Variants in PDE8A observed in about 807,000 individuals in gnomAD.
PDE8A encodes the protein phosphodiesterase 8A.
In PDE8A, 59 loss-of-function variants were observed where a neutral mutation model predicts 105.0. The observed-to-expected ratio is 0.56, with a 90% CI of 0.46 to 0.70. The LOEUF (loss-of-function observed/expected upper bound fraction) is 0.70. Ranked by LOEUF, PDE8A falls within the 30% of genes least tolerant of loss-of-function variation. PDE8A has a pLI of 0.00. For synonymous variants in PDE8A, 355 were observed against 371.9 expected (o/e 0.95, Z 0.52); for missense variants, 1,014 against 1,045.9 (o/e 0.97, Z 0.42).
intron 1 of PDE8A, among the ~76,000 whole-genome samples, chr15:85,020,984 T>A (rs1253083310): frequency 6.6e-6 from 1 of 152,218 alleles, no homozygotes; most frequent in Non-Finnish European, 1.5e-5. Flanking sequence ...GTCTCAATGT[T>A]CGTATTCTCC....
chr15:84,982,174 C>G lies in PDE8A; in HGVS notation c.12C>G (p.Ala4=), dbSNP rs750979411. The G allele has an allele frequency of 6.8e-7, 1 of 1,477,238 alleles. No homozygotes were observed. The highest frequency in any genetic ancestry group is 8.9e-7 in the Non-Finnish European group (1 of 1,123,484). The allele number at this position is 1,477,238 out of a possible 1,614,324, so 91.5% of individuals were successfully genotyped here. A position where few individuals can be genotyped will look rare whatever the true frequency, so the allele number is the denominator to read the frequency against. The change falls in exon 1 of 22, where the codon GCC becomes GCG. Residue 4 remains alanine, a synonymous_variant. Transcript: ENST00000394553. Reference sequence around the variant, plus strand: ...GCGCCGCCGCCAGCATGGGCTGTGCCCCGAGCATCCACATTTCCGAGCGCC... The same window carrying G: ...GCGCCGCCGCCAGCATGGGCTGTGCGCCGAGCATCCACATTTCCGAGCGCC... MGC[A]PSIHISERLV...
chr15:85,043,317 AC>A (rs1344307388), intron 1 of PDE8A, among the ~76,000 whole-genome samples: 7 of 151,982 alleles, frequency 4.6e-5, no homozygotes, highest in Non-Finnish European at 8.8e-5. Context: ...CAGCCTGTAG[AC>A]CCCCCTTTTC....
At chr15:85,075,213 A>T (rs554796989) in intron 3 of PDE8A, among the ~76,000 whole-genome samples, 1 of 152,210 alleles carries the variant, frequency 6.6e-6, no homozygotes, top group South Asian at 2.1e-4. Flanking sequence ...TTTACTCTGT[A>T]TGGGAAGTCT....
At chr15:85,022,076 T>A (rs1235269414) in intron 1 of PDE8A, among the ~76,000 whole-genome samples, 1 of 152,238 alleles carries the variant, frequency 6.6e-6, no homozygotes, top group Non-Finnish European at 1.5e-5. Context: ...CCAACTAGTT[T>A]TAACATTCAT....
Position 85,094,585 on chromosome 15 carries a change from C to T in PDE8A, c.853-3363C>T, listed in dbSNP as rs140879067. On this transcript the variant is annotated intron_variant, in intron 8 of 21. Transcript: ENST00000394553. ...TGGTTTTCTCTCATCTCCCAAAAAC[C>T]CAATCTCTCTTCCAAATCCTGCTGT... 3.2e-4 allele frequency among the ~76,000 whole-genome samples: 48 copies of T among 152,286 alleles called. 1 individual carries two copies. Among genetic ancestry groups the T allele is most frequent in the Admixed American group, 2.5e-3 (38 of 15,304 alleles).
chr15:85,123,015 C>A, intron 18 of PDE8A, 46 bp from the exon 19 acceptor site: 1 of 1,603,270 alleles, frequency 6.2e-7, no homozygotes, highest in South Asian at 1.1e-5. Flanking sequence ...CCTGTCTGGT[C>A]TGGATCAGTA....
intron 1 of PDE8A, among the ~76,000 whole-genome samples, chr15:85,047,207 G>A (rs2080900399): frequency 6.6e-6 from 1 of 152,166 alleles, no homozygotes; most frequent in African/African-American, 2.4e-5. Context: ...ATTATTAAGA[G>A]GGCTGTGACC....
At chr15:85,066,107 A>G (rs923347992) in intron 2 of PDE8A, among the ~76,000 whole-genome samples, 1 of 152,216 alleles carries the variant, frequency 6.6e-6, no homozygotes, top group Non-Finnish European at 1.5e-5. Flanking sequence ...TAAGTATTCT[A>G]ATAATTTCAC....
At chr15:85,044,923 G>A (rs379799) in intron 1 of PDE8A, among the ~76,000 whole-genome samples, 81,024 of 152,072 alleles carry the variant, frequency 0.53, 21,715 homozygotes, top group Non-Finnish European at 0.57. Context: ...ACTCTGCATC[G>A]TATGACCCCT....
At chr15:84,983,365 T>G (rs1030738532) in intron 1 of PDE8A, among the ~76,000 whole-genome samples, 2 of 152,232 alleles carry the variant, frequency 1.3e-5, no homozygotes, top group African/African-American at 4.8e-5. Flanking sequence ...AAAATTTGTT[T>G]GATTTTTCCT....
chr15:84,999,128 T>TTTG (rs1045648249), intron 1 of PDE8A, among the ~76,000 whole-genome samples: 1 of 150,912 alleles, frequency 6.6e-6, no homozygotes, highest in East Asian at 1.9e-4. Flanking sequence ...ATTCTTTTTT[T>TTTG]TTTTTTTTTT....
chr15:85,111,277 T>A (rs1009497062), intron 12 of PDE8A, among the ~76,000 whole-genome samples: 1 of 152,218 alleles, frequency 6.6e-6, no homozygotes, highest in Non-Finnish European at 1.5e-5. Context: ...TATGTCCTAT[T>A]TAAGAAATCG....
rs543278652 is a variant in PDE8A at position 85,032,253 on chromosome 15, A to G, written c.187-32117A>G. 1.8e-4 allele frequency among the ~76,000 whole-genome samples: 27 copies of G among 152,372 alleles called. No homozygotes were observed. The South Asian group carries it at 5.4e-3, about 30-fold the overall frequency. ...GACACCATAGTAGAAGCTCACCTCT[A>G]GATGTAAAGGAGCAGTCTGTAATTC... On this transcript the variant is annotated intron_variant, in intron 1 of 21. Coordinates refer to ENST00000394553, the MANE Select transcript of PDE8A (RefSeq NM_002605.3).
At chr15:85,088,443 C>T (rs994714737) in intron 6 of PDE8A, among the ~76,000 whole-genome samples, 19 of 152,238 alleles carry the variant, frequency 1.2e-4, no homozygotes, top group Non-Finnish European at 2.2e-4. Context: ...ATCAAGACTT[C>T]GTGTCCTTTT....
chr15:85,020,741 G>A (rs957949347), intron 1 of PDE8A, among the ~76,000 whole-genome samples: 1 of 151,912 alleles, frequency 6.6e-6, no homozygotes, highest in Non-Finnish European at 1.5e-5. Flanking sequence ...TTTACCATGG[G>A]CTTCTATTTA....
intron 3 of PDE8A, among the ~76,000 whole-genome samples, chr15:85,071,227 C>T (rs2081306023): frequency 6.6e-6 from 1 of 152,194 alleles, no homozygotes; most frequent in African/African-American, 2.4e-5. Flanking sequence ...GCAGTGGAAA[C>T]AGGCTTTGCT....
chr15:85,011,385 C>T (rs569218335), intron 1 of PDE8A, among the ~76,000 whole-genome samples: 21 of 152,292 alleles, frequency 1.4e-4, no homozygotes, highest in Admixed American at 4.6e-4. Flanking sequence ...AACCCTGTCT[C>T]TCCCTGCTTT....
chr15:85,089,492 A>G (rs2081606941), intron 7 of PDE8A, 76 bp downstream of exon 7: 2 of 744,554 alleles, frequency 2.7e-6, no homozygotes, highest in Non-Finnish European at 4.5e-6. Flanking sequence ...AACCTCTCCA[A>G]TATGATTTTT....
At chr15:85,081,341 A>C (rs987003669) in intron 5 of PDE8A, among the ~76,000 whole-genome samples, 5 of 152,092 alleles carry the variant, frequency 3.3e-5, no homozygotes, top group Admixed American at 6.6e-5. Context: ...CCTGAATAAC[A>C]TCCCTAGGGA....
Sources: allele counts gnomAD v4.1 joint callset (sites outside exome capture counted in the v4.1 genomes callset), GRCh38; gene constraint gnomAD v4.1.1; transcripts MANE v1.5; gene names NCBI Gene and HGNC (gene_info 2026-07-23, HGNC 2026-07-21).